SLC23A3: variants seen among roughly 807,000 people sequenced by gnomAD.
The protein encoded by SLC23A3 is solute carrier family 23 member 3, also known as E2-binding protein 3.
A neutral mutation model predicts 64.7 loss-of-function variants in SLC23A3; 41 were observed. That is an observed-to-expected ratio of 0.63 (90% CI 0.49 to 0.82). SLC23A3 has a LOEUF of 0.82. Ranked by LOEUF, SLC23A3 falls within the 40% of genes least tolerant of loss-of-function variation. The pLI is 0.00. For synonymous variants in SLC23A3, 281 were observed against 306.8 expected, an observed-to-expected ratio of 0.92 and a Z score of 0.88; for missense variants, 647 against 733.4, an observed-to-expected ratio of 0.88 and a Z score of 1.36.
intron 8 of SLC23A3, 127 bp from the exon 9 acceptor site, chr2:219,164,465 G>T (rs997784209): frequency 1.5e-6 from 1 of 658,980 alleles, no homozygotes; most frequent in Non-Finnish European, 2.7e-6. Flanking sequence ...AGCCTTCCTG[G>T]CCAGTCTATC....
intron 7 of SLC23A3, among the ~76,000 whole-genome samples, chr2:219,166,200 T>G (rs142299221): frequency 7.9e-5 from 12 of 152,210 alleles, no homozygotes; most frequent in Middle Eastern, 3.4e-3. Flanking sequence ...TTTTTTGGTT[T>G]GTTTGTTTGT....
At chr2:219,168,986 A>G (rs1272724121) in intron 4 of SLC23A3, 43 bp downstream of exon 4, 2 of 1,591,536 alleles carry the variant, frequency 1.3e-6, no homozygotes, top group Non-Finnish European at 1.7e-6. Flanking sequence ...GCCCCCCCCA[A>G]GCCTGGCACC....
rs748949118 is a variant in SLC23A3, at chr2:219,162,397, A to T, written c.1442-3T>A. On this transcript the variant is annotated splice_region_variant and splice_polypyrimidine_tract_variant and intron_variant, in intron 10 of 11. Transcript: ENST00000409878. Reference sequence around the variant, plus strand: ...TAATACATCCAAGGGGCTCCAGCCTATGAAGAGTTGGGGCCAGGCAGGAAG... The same window carrying T: ...TAATACATCCAAGGGGCTCCAGCCTTTGAAGAGTTGGGGCCAGGCAGGAAG... The T allele has an allele frequency of 6.2e-7, 1 of 1,612,216 alleles. No individual in the cohort carries two copies. The highest frequency in any genetic ancestry group is 8.5e-7 in the Non-Finnish European group (1 of 1,178,602).
Position 219,168,192 on chromosome 2 carries a change from T to C in SLC23A3, c.798+3A>G. 1 of 1,613,620 alleles carries C rather than the reference T, an allele frequency of 6.2e-7. No individual in the cohort carries two copies. The highest frequency in any genetic ancestry group is 8.5e-7 in the Non-Finnish European group (1 of 1,179,768). On this transcript the variant is annotated splice_donor_region_variant and intron_variant, in intron 6 of 11. Coordinates refer to ENST00000409878, the MANE Select transcript of SLC23A3 (RefSeq NM_001144889.2). The stretch of plus-strand genomic sequence containing the variant: ...CTACTGCCCTGCCCAGACCCACACA[T>C]ACCGAAAGGAGCCGGAAGACAGGGA...
At chr2:219,162,872 G>A (rs1949963512) in intron 10 of SLC23A3, among the ~76,000 whole-genome samples, 1 of 152,114 alleles carries the variant, frequency 6.6e-6, no homozygotes, top group Non-Finnish European at 1.5e-5. Flanking sequence ...TCCTCCATTT[G>A]TAACAGCCAA....
At position 219,169,650 on chromosome 2, in the gene SLC23A3, C is replaced by A; in HGVS notation, c.191G>T (p.Cys64Phe). ...GCAAAGCAGGAGCAGGTGGGAGACACAGAGCAGAGAAGCCATGACCAAGAC... is the reference window on the plus strand; with the variant it reads ...GCAAAGCAGGAGCAGGTGGGAGACAAAGAGCAGAGAAGCCATGACCAAGAC... Reference protein sequence around the residue: ...QHVLVMASLLCVSHLLLLCSL... With the variant: ...QHVLVMASLLFVSHLLLLCSL... Residue 64 changes from cysteine to phenylalanine, a missense_variant, in exon 2 of 12, where the codon TGT (cysteine) becomes TTT (phenylalanine). Coordinates refer to ENST00000409878, the MANE Select transcript of SLC23A3 (RefSeq NM_001144889.2). This position sits in a 1 kb window ranked among gnomAD's most constrained non-coding sequence, Gnocchi z 4.5. 1.2e-6 allele frequency: 2 copies of A among 1,614,114 alleles called. 1 individual carries two copies. The highest frequency in any genetic ancestry group is 1.7e-6 in the Non-Finnish European group (2 of 1,179,998).
At position 219,162,170 on chromosome 2, in the gene SLC23A3, T is replaced by C. The variant is rs1949951411; in HGVS notation, c.1572A>G (p.Leu524=). Residue 524 remains leucine (L), a synonymous_variant, in exon 12 of 12, where the codon CTA becomes CTG. Coordinates refer to ENST00000409878, the MANE Select transcript of SLC23A3 (RefSeq NM_001144889.2). ...TQLERGLGQG[L]PSPFTAQEAR... is the part of the protein sequence containing the mutation. ...CCTCTTGGGCAGTGAAAGGAGATGG[T>C]AGCCCTTGACCTAGGCCTCGCTCAA... 2 of 1,612,612 alleles carry C rather than the reference T, an allele frequency of 1.2e-6. No individual in the cohort carries two copies. The highest frequency in any genetic ancestry group is 1.7e-6 in the Non-Finnish European group (2 of 1,178,998).
At chr2:219,166,517 A>T (rs1269991601) in intron 7 of SLC23A3, among the ~76,000 whole-genome samples, 4 of 150,286 alleles carry the variant, frequency 2.7e-5, no homozygotes, top group South Asian at 2.1e-4. Context: ...ATTTTATTTT[A>T]TTTATTTTAT....
At position 219,169,883 on chromosome 2, in the gene SLC23A3, G is replaced by C; in HGVS notation, c.102C>G (p.His34Gln). 6.2e-7 allele frequency: 1 copy of C among 1,613,696 alleles called. No homozygotes were observed. Among genetic ancestry groups the C allele is most frequent in the Non-Finnish European group, 8.5e-7 (1 of 1,179,830 alleles). The stretch of plus-strand genomic sequence containing the variant: ...GAGATCCACACAAAGGGTCCCAAGA[G>C]TGGGTGGAGGGATTCTGGGGAGCAG... ...PPPAPQNPST[H>Q]SWDPLCGSLP... The change falls in exon 1 of 12, where the codon CAC becomes CAG. Residue 34 changes from histidine (H) to glutamine (Q), a missense_variant. His to Gln is a conservative substitution (Grantham distance 24). Coordinates refer to ENST00000409878, the MANE Select transcript of SLC23A3 (RefSeq NM_001144889.2). This position sits in a 1 kb window ranked among gnomAD's most constrained non-coding sequence, Gnocchi z 4.5.
intron 10 of SLC23A3, 57 bp from the exon 11 acceptor site, chr2:219,162,451 G>T: frequency 7.5e-7 from 1 of 1,331,498 alleles, no homozygotes; most frequent in South Asian, 1.2e-5. Context: ...CCAAGCCCAG[G>T]AGTCTTACCC....
Position 219,163,507 on chromosome 2 carries a change from G to A in SLC23A3, c.1322C>T (p.Ser441Phe). Residue 441 changes from serine (S) to phenylalanine (F), a missense_variant, in exon 10 of 12, where the codon TCC (serine) becomes TTC (phenylalanine). Physicochemically the swap from Ser to Phe is radical, Grantham distance 155. Transcript: ENST00000409878. ...TQAVVLSAGFSSFYLADIDSG... is the reference protein window; with the variant it reads ...TQAVVLSAGFFSFYLADIDSG... ...GTCTATGTCAGCCAGGTAGAAGCTG[G>A]AGAATCCAGCAGACAAAACCACAGC... 1.2e-6 allele frequency: 2 copies of A among 1,614,136 alleles called. No homozygotes were observed. Among genetic ancestry groups the A allele is most frequent in the Non-Finnish European group, 1.7e-6 (2 of 1,180,036 alleles).
intron 5 of SLC23A3, 164 bp downstream of exon 5, chr2:219,168,488 T>G: frequency 9.0e-7 from 1 of 1,107,968 alleles, no homozygotes; most frequent in Non-Finnish European, 1.3e-6. Context: ...AGTGTGAAAT[T>G]CAAGGAGACC....
At position 219,168,744 on chromosome 2, in the gene SLC23A3, G is replaced by C; in HGVS notation, c.582C>G (p.Pro194=). Residue 194 remains proline, a synonymous_variant, in exon 5 of 12, where the codon CCC becomes CCG. Transcript: ENST00000409878. ...SPGHVFPHCG[P]LVLAPSLVVA... is the part of the protein sequence containing the mutation. Reference sequence around the variant, plus strand: ...CAACCAGGCTGGGAGCCAGCACCAGGGGCCCACAGTGGGGGAACACGTGGC... The same window carrying C: ...CAACCAGGCTGGGAGCCAGCACCAGCGGCCCACAGTGGGGGAACACGTGGC... 1 of 1,613,322 alleles carries C rather than the reference G, an allele frequency of 6.2e-7. No individual in the cohort carries two copies. The highest frequency in any genetic ancestry group is 8.5e-7 in the Non-Finnish European group (1 of 1,179,612).
chr2:219,169,472 C>G lies in SLC23A3; in HGVS notation c.320+49G>C. The stretch of plus-strand genomic sequence containing the variant: ...CAGCCAGCAAGGCTCCCCCAAACCT[C>G]TCCTACCCTCCAGGACTCTGCCCCT... On this transcript the variant is annotated intron_variant, in intron 2 of 11. Coordinates refer to ENST00000409878, the MANE Select transcript of SLC23A3 (RefSeq NM_001144889.2). The surrounding 1 kb of genome is among the most constrained non-coding windows in gnomAD (Gnocchi z 4.5). 1 of 1,613,612 alleles carries G rather than the reference C, an allele frequency of 6.2e-7. No individual in the cohort carries two copies. The highest frequency in any genetic ancestry group is 1.1e-5 in the South Asian group (1 of 91,034).
chr2:219,169,852 A>G lies in SLC23A3; in HGVS notation c.133T>C (p.Trp45Arg), dbSNP rs1559211221. The G allele has an allele frequency of 6.2e-7, 1 of 1,613,674 alleles. No homozygotes were observed. The highest frequency in any genetic ancestry group is 1.7e-5 in the Admixed American group (1 of 59,938). The change falls in exon 1 of 12, where the codon TGG becomes CGG. Residue 45 changes from tryptophan (W) to arginine (R), a missense_variant. Physicochemically the swap from Trp to Arg is moderately radical, Grantham distance 101. Transcript: ENST00000409878. The surrounding 1 kb of genome is among the most constrained non-coding windows in gnomAD (Gnocchi z 4.5). ...AGAGCCAGAAGACAGCTGAGGCCCC[A>G]AGGCAGAGATCCACACAAAGGGTCC... ...SWDPLCGSLP[W>R]GLSCLLALQH...
chr2:219,161,919 G>A lies in SLC23A3; in HGVS notation c.1823C>T (p.Ser608Phe). Reference sequence around the variant, plus strand: ...AAGTAGGCGTTCTGGTCATTTCTGGGACCTAAACCCTTCTCTGCTAGATTC... The same window carrying A: ...AAGTAGGCGTTCTGGTCATTTCTGGAACCTAAACCCTTCTCTGCTAGATTC... ...CPESSREGFR[S>F]QK The change falls in exon 12 of 12, where the codon TCC (serine) becomes TTC (phenylalanine). Residue 608 changes from serine to phenylalanine, a missense_variant. Physicochemically the swap from Ser to Phe is radical, Grantham distance 155. Coordinates refer to ENST00000409878, the MANE Select transcript of SLC23A3 (RefSeq NM_001144889.2). 6.4e-7 allele frequency: 1 copy of A among 1,563,596 alleles called. No individual in the cohort carries two copies. Among genetic ancestry groups the A allele is most frequent in the East Asian group, 2.3e-5 (1 of 44,336 alleles).
At position 219,167,944 on chromosome 2, in the gene SLC23A3, C is replaced by G. The variant is rs1950020061; in HGVS notation, c.899G>C (p.Trp300Ser). 6.3e-7 allele frequency: 1 copy of G among 1,580,954 alleles called. No individual in the cohort carries two copies. The change falls in exon 7 of 12, where the codon TGG (tryptophan) becomes TCG (serine). Residue 300 changes from tryptophan (W) to serine (S), a missense_variant. Trp to Ser is a radical substitution (Grantham distance 177, BLOSUM62 -3). Transcript: ENST00000409878. ...AGAAAACCTACCTGGGTGAGGCAGC[C>G]AAATCCATGGTGCCTTGGTGGGGGC... ...LSAPTKAPWI[W>S]LPHPGEWNWP...
Position 219,167,985 on chromosome 2 carries a change from GA to G in SLC23A3, c.857del (p.Ile286ThrfsTer27). 6.3e-7 allele frequency: 1 copy of G among 1,590,600 alleles called. No individual in the cohort carries two copies. Among genetic ancestry groups the G allele is most frequent in the East Asian group, 2.2e-5 (1 of 44,626 alleles). ...TGGTGGGGGCAGACAGTTCCTGGGG[GA>G]TAACACTGAATCCCACAAAGGCAGA... Reference protein sequence around the residue: ...IVSAFVGFSVIPQELSAPTKA... With the variant: ...IVSAFVGFSVXPQELSAPTKA... On this transcript the variant is annotated frameshift_variant, in exon 7 of 12. Transcript: ENST00000409878. LOFTEE classifies it high-confidence loss of function.
chr2:219,162,049 G>A lies in SLC23A3; in HGVS notation c.1693C>T (p.His565Tyr), dbSNP rs1440112169. 1 of 1,614,082 alleles carries A rather than the reference G, an allele frequency of 6.2e-7. No individual in the cohort carries two copies. The highest frequency in any genetic ancestry group is 2.2e-5 in the East Asian group (1 of 44,900). Residue 565 changes from histidine to tyrosine, a missense_variant, in exon 12 of 12, where the codon CAC becomes TAC. Physicochemically the swap from His to Tyr is moderately conservative, Grantham distance 83. Transcript: ENST00000409878. Reference protein sequence around the residue: ...NLCPCIPQPLHCLCPLPEDPG... With the variant: ...NLCPCIPQPLYCLCPLPEDPG... ...TCTTCAGGCAGTGGGCAGAGGCAGT[G>A]GAGAGGCTGGGGGATGCAGGGACAG... is the stretch of plus-strand genomic sequence containing the variant.
Sources: gnomAD v4.1 joint callset for allele counts (sites outside exome capture counted in the v4.1 genomes callset) on GRCh38, gnomAD v4.1.1 for gene constraint, Gnocchi (gnomAD v3.1) non-coding constraint, MANE v1.5 for transcripts, NCBI Gene and HGNC (gene_info 2026-07-23, HGNC 2026-07-21) for gene names.